The following ABCD2 variants were observed in gnomAD, a reference collection of about 807,000 sequenced individuals.
The protein encoded by ABCD2 is ATP binding cassette subfamily D member 2, also known as ATP-binding cassette sub-family D member 2.
Under a neutral mutation model 70.9 loss-of-function variants are expected in ABCD2, and 36 were observed. The observed-to-expected ratio is 0.51, with a 90% CI of 0.39 to 0.67. ABCD2 has a LOEUF of 0.67. ABCD2 is among the 30% of genes least tolerant of loss of function. ABCD2 has a pLI of 0.00. For synonymous variants in ABCD2, 304 were observed against 306.9 expected, an observed-to-expected ratio of 0.99 and a Z score of 0.10; for missense variants, 729 against 890.2, an observed-to-expected ratio of 0.82 and a Z score of 2.30.
Position 39,562,915 on chromosome 12 carries a change from C to A in ABCD2, c.2004-8784G>T, listed in dbSNP as rs527601373. 2.0e-5 allele frequency among the ~76,000 whole-genome samples: 3 copies of A among 152,074 alleles called. No individual in the cohort carries two copies. In the East Asian group the frequency reaches 5.8e-4, roughly 29 times the overall value. ...TGAACATAGGTGCAAAAATCATCAA[C>A]AAAATACCAGCAAACTGAATTCAAC... On this transcript the variant is annotated intron_variant, in intron 9 of 9. Coordinates refer to ENST00000308666, the MANE Select transcript of ABCD2 (RefSeq NM_005164.4).
chr12:39,549,488 G>C (rs1295645306), downstream of ABCD2, among the ~76,000 whole-genome samples: 1 of 151,802 alleles, frequency 6.6e-6, no homozygotes. Flanking sequence ...GTGTCAACAA[G>C]TATTTACTGA....
chr12:39,597,350 C>T (rs1941830470), intron 6 of ABCD2, among the ~76,000 whole-genome samples: 2 of 151,988 alleles, frequency 1.3e-5, no homozygotes, highest in African/African-American at 2.4e-5. Context: ...ACAAAATAAA[C>T]AAGTAAAAGG....
chr12:39,582,175 G>A (rs1941605030), intron 7 of ABCD2, among the ~76,000 whole-genome samples: 1 of 151,976 alleles, frequency 6.6e-6, no homozygotes, highest in Admixed American at 6.6e-5. Context: ...TTTTTTATGT[G>A]CAAGGATATA....
the ABCD2 span, among the ~76,000 whole-genome samples, chr12:39,532,524 C>T: frequency 1.3e-5 from 2 of 152,148 alleles, no homozygotes; most frequent in African/African-American, 4.8e-5. Flanking sequence ...GGAAATGCTA[C>T]GATCTTTTTG....
intron 6 of ABCD2, among the ~76,000 whole-genome samples, chr12:39,594,729 T>G (rs1245911898): frequency 1.3e-5 from 2 of 152,170 alleles, no homozygotes; most frequent in Non-Finnish European, 2.9e-5. Context: ...ATCCCAGCAC[T>G]TTGGGAGGCC....
intron 6 of ABCD2, among the ~76,000 whole-genome samples, chr12:39,593,882 AAGAGT>A (rs1458644055): frequency 2.0e-5 from 3 of 152,208 alleles, no homozygotes; most frequent in South Asian, 2.1e-4. Flanking sequence ...AAGAATAGGA[AAGAGT>A]AGAGAATAAA....
At chr12:39,573,223 A>G (rs1310369742) in intron 9 of ABCD2, among the ~76,000 whole-genome samples, 4 of 152,094 alleles carry the variant, frequency 2.6e-5, no homozygotes, top group Non-Finnish European at 2.9e-5. Flanking sequence ...GTTTTATGAG[A>G]TATTAGTTCT....
chr12:39,567,704 C>T (rs184007112), intron 9 of ABCD2, among the ~76,000 whole-genome samples: 1 of 152,180 alleles, frequency 6.6e-6, no homozygotes, highest in African/African-American at 2.4e-5. Flanking sequence ...TTAGTTGATG[C>T]AATTTCTTCC....
In ABCD2 at chr12:39,604,806, C is replaced by T. The variant is rs769873518; in HGVS notation, c.1361G>A (p.Gly454Glu). The T allele has an allele frequency of 5.0e-6, 8 of 1,611,218 alleles. No individual in the cohort carries two copies. Among genetic ancestry groups the T allele is most frequent in the Middle Eastern group, 1.7e-4 (1 of 6,020 alleles). ...ACTGAGAGGTAATTCTACCTTAGCT[C>T]CATTCTTGCTATGGCTTTCAGATTC... Reference protein sequence around the residue: ...IQESESHSKNGAKVELPLSDT... With the variant: ...IQESESHSKNEAKVELPLSDT... Residue 454 changes from glycine (G) to glutamate (E), a missense_variant, in exon 4 of 10, where the codon GGA becomes GAA. Coordinates refer to ENST00000308666, the MANE Select transcript of ABCD2 (RefSeq NM_005164.4).
At position 39,619,108 on chromosome 12, in the gene ABCD2, T is replaced by C. The variant is rs1011196983; in HGVS notation, c.508A>G (p.Lys170Glu). 6 of 1,614,114 alleles carry C rather than the reference T, an allele frequency of 3.7e-6. No homozygotes were observed. Among genetic ancestry groups the C allele is most frequent in the Admixed American group, 3.3e-5 (2 of 60,006 alleles). ...CGAGTTCTGAAGGCCAAAGCCAATT[T>C]GCATTCCAGGTACCTTATTGCACTG... ...VNSAIRYLEC[K>E]LALAFRTRLV... The change falls in exon 1 of 10, where the codon AAA (lysine) becomes GAA (glutamate). Residue 170 changes from lysine (K) to glutamate (E), a missense_variant. By Grantham distance (56) the Lys-to-Glu change is moderately conservative. This residue lies in a region of ABCD2 where 245 missense variants were observed against 261.2 expected (regional missense o/e 0.94). Transcript: ENST00000308666.
At position 39,554,871 on chromosome 12, in the gene ABCD2, A is replaced by G. The variant is rs750135461; in HGVS notation, c.2004-740T>C. On this transcript the variant is annotated intron_variant, in intron 9 of 9. Transcript: ENST00000308666. ...AGAGCTGGTCCTGCATGGCTGAACCACCTGCATTTTTTCACTGCTGAACTG... is the reference window on the plus strand; with the variant it reads ...AGAGCTGGTCCTGCATGGCTGAACCGCCTGCATTTTTTCACTGCTGAACTG... 7.5e-4 allele frequency among the ~76,000 whole-genome samples: 114 copies of G among 152,074 alleles called. 1 individual carries two copies. The highest frequency in any genetic ancestry group is 5.2e-4 in the Admixed American group (8 of 15,260).
At position 39,552,563 on chromosome 12, in the gene ABCD2, C is replaced by T. The variant is rs1941102935; in HGVS notation, c.*1349G>A. The T allele has an allele frequency of 6.6e-6, 1 of 151,886 alleles. No individual in the cohort carries two copies. The highest frequency in any genetic ancestry group is 6.6e-5 in the Admixed American group (1 of 15,228). 9.4% of individuals were successfully genotyped at this position (151,886 alleles called of 1,614,324 possible). ...TCAATAAATATTAACTTTACCAAAA[C>T]CATAATTATTTGCCCTTCTCATTGC... On this transcript the variant is annotated 3_prime_UTR_variant, in exon 10 of 10. Coordinates refer to ENST00000308666, the MANE Select transcript of ABCD2 (RefSeq NM_005164.4).
intron 6 of ABCD2, among the ~76,000 whole-genome samples, chr12:39,597,537 C>A (rs1401648935): frequency 6.6e-6 from 1 of 152,142 alleles, no homozygotes; most frequent in Non-Finnish European, 1.5e-5. Flanking sequence ...AATTCAGGAT[C>A]TATGTCCAAA....
chr12:39,561,094 A>T (rs1414599687), intron 9 of ABCD2, among the ~76,000 whole-genome samples: 1 of 152,132 alleles, frequency 6.6e-6, no homozygotes, highest in South Asian at 2.1e-4. Flanking sequence ...AAGTTCTCCA[A>T]TTAAAACACA....
At chr12:39,538,180 T>C in the ABCD2 span, among the ~76,000 whole-genome samples, 1 of 149,710 alleles carries the variant, frequency 6.7e-6, no homozygotes, top group African/African-American at 2.5e-5. Context: ...TCTTTTTTTT[T>C]TTTTTTTGAG....
chr12:39,538,281 T>C, the ABCD2 span, among the ~76,000 whole-genome samples: 1 of 151,462 alleles, frequency 6.6e-6, no homozygotes, highest in East Asian at 2.0e-4. Flanking sequence ...GCGATTCTCC[T>C]GTCTCAGCCT....
chr12:39,597,147 AAAAG>A (rs1941827690), intron 6 of ABCD2, among the ~76,000 whole-genome samples: 1 of 152,204 alleles, frequency 6.6e-6, no homozygotes, highest in Non-Finnish European at 1.5e-5. Context: ...AAACTAGTAC[AAAAG>A]AAAGCAAGAT....
At chr12:39,534,031 G>A in the ABCD2 span, among the ~76,000 whole-genome samples, 1 of 152,224 alleles carries the variant, frequency 6.6e-6, no homozygotes, top group Non-Finnish European at 1.5e-5. Context: ...CACAAATTGT[G>A]ATAGTATTAC....
chr12:39,546,422 C>T (rs1429988887), downstream of ABCD2, among the ~76,000 whole-genome samples: 2 of 152,036 alleles, frequency 1.3e-5, no homozygotes, highest in African/African-American at 4.8e-5. Context: ...CTAAATAAGA[C>T]AAGCAAGATT....
Sources: allele counts gnomAD v4.1 joint callset (sites outside exome capture counted in the v4.1 genomes callset), GRCh38; gene constraint gnomAD v4.1.1; regional missense constraint gnomAD v4.1.1; transcripts MANE v1.5; gene names NCBI Gene and HGNC (gene_info 2026-07-23, HGNC 2026-07-21).